CLEC4C: variants seen among roughly 807,000 people sequenced by gnomAD.
The protein encoded by CLEC4C is C-type lectin domain family 4 member C, also known as C-type (calcium dependent, carbohydrate-recognition domain) lectin, superfamily member 11.
In CLEC4C, 17 loss-of-function variants were observed where a neutral mutation model predicts 27.7. The ratio of observed to expected loss-of-function variants is 0.61; its 90% CI spans 0.42 to 0.92. CLEC4C has a LOEUF of 0.92. Ranked by LOEUF, CLEC4C falls within the 40% of genes least tolerant of loss-of-function variation. CLEC4C has a pLI of 0.00. For synonymous variants in CLEC4C, 80 were observed against 80.8 expected, an observed-to-expected ratio of 0.99 and a Z score of 0.06; for missense variants, 244 against 257.3, an observed-to-expected ratio of 0.95 and a Z score of 0.35.
At chr12:7,736,022 G>T (rs982363174) in intron 4 of CLEC4C, among the ~76,000 whole-genome samples, 1 of 151,926 alleles carries the variant, frequency 6.6e-6, no homozygotes, top group African/African-American at 2.4e-5. Context: ...GGTGGCTCAC[G>T]CCTGTAATCC....
At position 7,729,585 on chromosome 12, in the gene CLEC4C, G is replaced by T. The variant is rs758266234; in HGVS notation, c.*11C>A. 3.1e-6 allele frequency: 5 copies of T among 1,611,370 alleles called. No individual in the cohort carries two copies. The highest frequency in any genetic ancestry group is 4.2e-6 in the Non-Finnish European group (5 of 1,178,582). ...GCCAACCCAAACACATTTCCAGGGA[G>T]AATATTTCATTTATATGTAGATCTT... On this transcript the variant is annotated 3_prime_UTR_variant, in exon 6 of 6. Coordinates refer to ENST00000360345, the MANE Select transcript of CLEC4C (RefSeq NM_001371390.1).
At chr12:7,748,782 A>G (rs750137645), upstream of CLEC4C, among the ~76,000 whole-genome samples, 3 of 152,328 alleles carry the variant, frequency 2.0e-5, no homozygotes, top group Admixed American at 6.5e-5. Flanking sequence ...AGAAGAAAGG[A>G]GCAAAGGCAA....
At chr12:7,738,746 C>T (rs1864783131) in intron 3 of CLEC4C, among the ~76,000 whole-genome samples, 1 of 152,202 alleles carries the variant, frequency 6.6e-6, no homozygotes, top group African/African-American at 2.4e-5. Flanking sequence ...AAGTGATCCA[C>T]TGGCCTCAGC....
At chr12:7,747,476 C>T (rs566460440), upstream of CLEC4C, 5 of 870,514 alleles carry the variant, frequency 5.7e-6, no homozygotes, top group South Asian at 1.4e-5. Flanking sequence ...GATCCTTCTT[C>T]GCCTACTCTT....
At chr12:7,734,115 T>C (rs1260204778) in intron 4 of CLEC4C, among the ~76,000 whole-genome samples, 1 of 152,162 alleles carries the variant, frequency 6.6e-6, no homozygotes, top group Non-Finnish European at 1.5e-5. Flanking sequence ...CAGATTATTT[T>C]GAATGTACAT....
intron 2 of CLEC4C, 88 bp from the exon 3 acceptor site, chr12:7,741,619 G>A: frequency 2.7e-6 from 2 of 744,552 alleles, no homozygotes; most frequent in Non-Finnish European, 4.8e-6. Flanking sequence ...CAGGCACAGT[G>A]ACTCACGCCT....
intron 3 of CLEC4C, among the ~76,000 whole-genome samples, chr12:7,739,517 G>C (rs771550408): frequency 6.6e-6 from 1 of 151,968 alleles, no homozygotes; most frequent in African/African-American, 2.4e-5. Context: ...GTCTCCCTCC[G>C]GCTCTGCATA....
chr12:7,730,735 T>C, intron 5 of CLEC4C, 62 bp downstream of exon 5: 1 of 804,512 alleles, frequency 1.2e-6, no homozygotes, highest in Non-Finnish European at 2.1e-6. Context: ...TAATAGCTGA[T>C]GGAACACCCT....
chr12:7,734,997 T>C (rs1281103428), intron 4 of CLEC4C, among the ~76,000 whole-genome samples: 2 of 151,778 alleles, frequency 1.3e-5, no homozygotes, highest in Non-Finnish European at 2.9e-5. Context: ...GGCCAGGAGT[T>C]TGAGACTAGC....
At chr12:7,730,226 T>C (rs1033434992) in intron 5 of CLEC4C, among the ~76,000 whole-genome samples, 3 of 152,240 alleles carry the variant, frequency 2.0e-5, no homozygotes, top group Non-Finnish European at 4.4e-5. Flanking sequence ...TTAATTTCCC[T>C]GATTCTCAGT....
At chr12:7,745,423 G>GAT (rs1565464387) in intron 2 of CLEC4C, among the ~76,000 whole-genome samples, 1 of 46,008 alleles carries the variant, frequency 2.2e-5, no homozygotes, top group East Asian at 7.4e-4. Context: ...CTCAGTCTAT[G>GAT]CTTTTTTTTT....
chr12:7,745,203 A>G lies in CLEC4C; in HGVS notation c.124+1128T>C, dbSNP rs762392514. ...GAGGAAATCAGGTTTAGATGAGGTT[A>G]TGAGGGGGGGCTCTCATGGTGAGAT... On this transcript the variant is annotated intron_variant, in intron 2 of 5. Transcript: ENST00000360345. 1.8e-3 allele frequency among the ~76,000 whole-genome samples: 280 copies of G among 152,082 alleles called. 3 individuals carry two copies. The highest frequency in any genetic ancestry group is 6.6e-3 in the African/African-American group (273 of 41,490).
At chr12:7,734,418 G>A (rs980020940) in intron 4 of CLEC4C, among the ~76,000 whole-genome samples, 4 of 152,118 alleles carry the variant, frequency 2.6e-5, no homozygotes, top group Admixed American at 2.6e-4. Context: ...TTATGATCTG[G>A]CTTTGAATCA....
At chr12:7,744,007 G>C (rs910245146) in intron 2 of CLEC4C, among the ~76,000 whole-genome samples, 2 of 152,148 alleles carry the variant, frequency 1.3e-5, no homozygotes, top group Non-Finnish European at 2.9e-5. Context: ...GGGTGCAAGA[G>C]AGAGTGAGGG....
At chr12:7,734,943 A>G (rs1864688623) in intron 4 of CLEC4C, among the ~76,000 whole-genome samples, 1 of 151,988 alleles carries the variant, frequency 6.6e-6, no homozygotes, top group Non-Finnish European at 1.5e-5. Flanking sequence ...TCTCAGGCCT[A>G]TAACCCCAGC....
chr12:7,742,053 G>A (rs533055310), intron 2 of CLEC4C, among the ~76,000 whole-genome samples: 4 of 151,512 alleles, frequency 2.6e-5, no homozygotes, highest in Non-Finnish European at 4.4e-5. Context: ...GGTGGCAGGC[G>A]CCTGTAATTC....
At chr12:7,733,265 ATTT>A (rs756061476) in intron 4 of CLEC4C, among the ~76,000 whole-genome samples, 1 of 143,794 alleles carries the variant, frequency 7.0e-6, no homozygotes. Flanking sequence ...AGAAAGCCAA[ATTT>A]TTTTTTTTTT....
At position 7,746,428 on chromosome 12, in the gene CLEC4C, C is replaced by A. The variant is rs1442563185; in HGVS notation, c.32-5G>T. On this transcript the variant is annotated splice_polypyrimidine_tract_variant and splice_region_variant and intron_variant, in intron 1 of 5. Transcript: ENST00000360345. ...GGAACCACCAGAGTCCTTTCTCTGT[C>A]AGATCAGCATGACAAATGCACAGTC... is the stretch of plus-strand genomic sequence containing the variant. 6.2e-7 allele frequency: 1 copy of A among 1,600,104 alleles called. No individual in the cohort carries two copies. The highest frequency in any genetic ancestry group is 8.6e-7 in the Non-Finnish European group (1 of 1,167,826).
At chr12:7,740,725 GA>G (rs1343709409) in intron 3 of CLEC4C, among the ~76,000 whole-genome samples, 1 of 150,108 alleles carries the variant, frequency 6.7e-6, no homozygotes, top group Non-Finnish European at 1.5e-5. Flanking sequence ...AGAAAAGAAA[GA>G]AAAAAGAGAA....
Sources: gnomAD v4.1 joint callset for allele counts (sites outside exome capture counted in the v4.1 genomes callset) on GRCh38, gnomAD v4.1.1 for gene constraint, MANE v1.5 for transcripts, NCBI Gene and HGNC (gene_info 2026-07-23, HGNC 2026-07-21) for gene names.